HECW1: variants seen among roughly 807,000 people sequenced by gnomAD.
HECW1 encodes E3 ubiquitin-protein ligase HECW1.
In HECW1, 61 loss-of-function variants were observed where a neutral mutation model predicts 182.3. The observed-to-expected ratio is 0.33, with a 90% CI of 0.27 to 0.41. The LOEUF (loss-of-function observed/expected upper bound fraction) is 0.41, where lower values mean the gene tolerates loss of function less well. Ranked by LOEUF, HECW1 falls within the 10% of genes least tolerant of loss-of-function variation. HECW1 has a pLI of 1.00. For missense variants in HECW1, 1,739 were observed against 2,108.9 expected, an observed-to-expected ratio of 0.82 and a Z score of 3.44; for synonymous variants, 859 against 832.6, an observed-to-expected ratio of 1.03 and a Z score of -0.55.
At chr7:43,251,667 G>A (rs1800047114) in intron 3 of HECW1, among the ~76,000 whole-genome samples, 1 of 152,178 alleles carries the variant, frequency 6.6e-6, no homozygotes, top group South Asian at 2.1e-4. Flanking sequence ...AAATAGCTAA[G>A]ATGCTTTTGG....
In HECW1 at chr7:43,356,313, G is replaced by A. The variant is rs1048695422; in HGVS notation, c.461-4573G>A. Among the ~76,000 whole-genome samples the A allele has an allele frequency of 5.9e-5, 9 of 152,100 alleles. No homozygotes were observed. In the East Asian group the frequency reaches 7.7e-4, roughly 13 times the overall value. The stretch of plus-strand genomic sequence containing the variant: ...AAAGACTGTAAAAAGAGATAAAGAA[G>A]GTCACTATACAATGATAAAGGGGTC... On this transcript the variant is annotated intron_variant, in intron 5 of 29. Coordinates refer to ENST00000395891, the MANE Select transcript of HECW1 (RefSeq NM_015052.5).
chr7:43,320,984 C>T (rs1810044472), intron 5 of HECW1, among the ~76,000 whole-genome samples: 1 of 152,164 alleles, frequency 6.6e-6, no homozygotes, highest in Non-Finnish European at 1.5e-5. Flanking sequence ...AGAGTTGGTT[C>T]CTATTCATAA....
chr7:43,553,424 T>C (rs1294771197), intron 28 of HECW1, among the ~76,000 whole-genome samples: 1 of 152,050 alleles, frequency 6.6e-6, no homozygotes, highest in Non-Finnish European at 1.5e-5. Flanking sequence ...ATGCCTGTAA[T>C]CCCAGCACTT....
chr7:43,414,288 T>C (rs2152851222), intron 8 of HECW1, among the ~76,000 whole-genome samples: 1 of 145,402 alleles, frequency 6.9e-6, no homozygotes, highest in African/African-American at 2.6e-5. Context: ...ATGCTTGTGA[T>C]TTTTGTACAT....
intron 2 of HECW1, among the ~76,000 whole-genome samples, chr7:43,120,330 C>T (rs1223031934): frequency 6.6e-6 from 1 of 152,140 alleles, no homozygotes; most frequent in East Asian, 1.9e-4. Context: ...TTATTCTGAC[C>T]ACACACAATG....
chr7:43,557,362 C>T (rs923802796), intron 29 of HECW1, among the ~76,000 whole-genome samples: 37 of 152,338 alleles, frequency 2.4e-4, no homozygotes, highest in African/African-American at 7.5e-4. Flanking sequence ...CGCCAGACAC[C>T]GCCACAGCAA....
intron 24 of HECW1, among the ~76,000 whole-genome samples, chr7:43,534,687 A>G (rs1477773174): frequency 6.6e-6 from 1 of 152,256 alleles, no homozygotes; most frequent in African/African-American, 2.4e-5. Context: ...ATAAAACCAG[A>G]TGATAATTTT....
At chr7:43,240,881 C>T (rs1253573683) in intron 2 of HECW1, among the ~76,000 whole-genome samples, 2 of 152,150 alleles carry the variant, frequency 1.3e-5, no homozygotes, top group African/African-American at 4.8e-5. Context: ...ATTGCTGTGC[C>T]ACAAGGGTCT....
chr7:43,329,157 A>G (rs1442811005), intron 5 of HECW1, among the ~76,000 whole-genome samples: 1 of 152,122 alleles, frequency 6.6e-6, no homozygotes, highest in Non-Finnish European at 1.5e-5. Flanking sequence ...TTGGGAAGGA[A>G]GGTCTGGGCT....
At chr7:43,204,993 C>T (rs1795331284) in intron 2 of HECW1, among the ~76,000 whole-genome samples, 1 of 151,970 alleles carries the variant, frequency 6.6e-6, no homozygotes, top group Non-Finnish European at 1.5e-5. Context: ...CAAACGGGCA[C>T]AGAAAGAATA....
intron 19 of HECW1, among the ~76,000 whole-genome samples, chr7:43,499,587 A>G (rs1377593057): frequency 1.3e-5 from 2 of 152,174 alleles, no homozygotes; most frequent in East Asian, 1.9e-4. Context: ...TCTTATAATT[A>G]CACATGACTC....
chr7:43,565,422 A>G lies in HECW1; in HGVS notation c.*3496A>G, dbSNP rs956856399. The G allele has an allele frequency of 5.0e-6, 1 of 200,864 alleles. No homozygotes were observed. The highest frequency in any genetic ancestry group is 1.0e-5 in the Non-Finnish European group (1 of 97,590). 12.4% of individuals were successfully genotyped at this position (200,864 alleles called of 1,614,324 possible). On this transcript the variant is annotated 3_prime_UTR_variant, in exon 30 of 30. Coordinates refer to ENST00000395891, the MANE Select transcript of HECW1 (RefSeq NM_015052.5). ...GTAGTTTTAATATTACATCCATCAT[A>G]TTTTCAGTCCATGTGTCAAACCATG... is the stretch of plus-strand genomic sequence containing the variant.
rs1245116952 is a variant in HECW1, at chr7:43,438,077, C to A, written c.876C>A (p.Pro292=). 6.2e-7 allele frequency: 1 copy of A among 1,614,044 alleles called. No homozygotes were observed. Among genetic ancestry groups the A allele is most frequent in the Non-Finnish European group, 8.5e-7 (1 of 1,179,944 alleles). The change falls in exon 9 of 30, where the codon CCC becomes CCA. Residue 292 remains proline, a synonymous_variant. Transcript: ENST00000395891. ...EVKDKFAKSR[P]IIKRFLGKLS... The stretch of plus-strand genomic sequence containing the variant: ...AGGACAAGTTTGCCAAGAGCCGCCC[C>A]ATCATCAAGCGCTTCTTGGGAAAGC...
intron 3 of HECW1, among the ~76,000 whole-genome samples, chr7:43,247,815 G>C (rs1799550236): frequency 7.8e-6 from 1 of 127,692 alleles, no homozygotes; most frequent in Admixed American, 8.1e-5. Context: ...GGAAAGAAAA[G>C]AAAGAGAGAG....
intron 2 of HECW1, among the ~76,000 whole-genome samples, chr7:43,128,858 T>C (rs1786579619): frequency 6.6e-6 from 1 of 152,132 alleles, no homozygotes; most frequent in Non-Finnish European, 1.5e-5. Context: ...TGGATGATTT[T>C]GAAGGGTTCA....
chr7:43,473,709 A>G (rs1260758294), intron 16 of HECW1, among the ~76,000 whole-genome samples: 2 of 152,140 alleles, frequency 1.3e-5, no homozygotes, highest in Non-Finnish European at 2.9e-5. Context: ...GGGGAGTAAA[A>G]CGGGATCATT....
chr7:43,394,093 A>C (rs1413230425), intron 6 of HECW1, among the ~76,000 whole-genome samples: 6 of 152,190 alleles, frequency 3.9e-5, no homozygotes, highest in Non-Finnish European at 8.8e-5. Context: ...GGTGCAGTAT[A>C]GCACTGTGAG....
At chr7:43,519,102 G>T (rs1188076513) in intron 24 of HECW1, among the ~76,000 whole-genome samples, 1 of 152,136 alleles carries the variant, frequency 6.6e-6, no homozygotes, top group African/African-American at 2.4e-5. Context: ...TTTTTGCAAA[G>T]GCTCAACATG....
chr7:43,459,437 C>T (rs1273725234), intron 13 of HECW1, among the ~76,000 whole-genome samples: 1 of 151,826 alleles, frequency 6.6e-6, no homozygotes. Flanking sequence ...AAATAATCAA[C>T]TGAAGTTTTA....
Sources: gnomAD v4.1 joint callset for allele counts (sites outside exome capture counted in the v4.1 genomes callset) on GRCh38, gnomAD v4.1.1 for gene constraint, MANE v1.5 for transcripts, NCBI Gene and HGNC (gene_info 2026-07-23, HGNC 2026-07-21) for gene names.